Variants in LAMA2 observed in about 807,000 individuals in gnomAD.
The protein encoded by LAMA2 is laminin subunit alpha-2.
A neutral mutation model predicts 364.8 loss-of-function variants in LAMA2; 269 were observed. That is an observed-to-expected ratio of 0.74 (90% CI 0.67 to 0.82). LAMA2 has a LOEUF of 0.82. Ranked by LOEUF, LAMA2 falls within the 40% of genes least tolerant of loss-of-function variation. The pLI is 0.00. For synonymous variants in LAMA2, 1,379 were observed against 1,370.6 expected, an observed-to-expected ratio of 1.01 and a Z score of -0.14; for missense variants, 3,807 against 3,873.2, an observed-to-expected ratio of 0.98 and a Z score of 0.45.
chr6:129,376,705 T>C (rs764779269), intron 34 of LAMA2, among the ~76,000 whole-genome samples: 1 of 152,182 alleles, frequency 6.6e-6, no homozygotes, highest in African/African-American at 2.4e-5. Context: ...TTTTGTTAAT[T>C]TCTGTTAACT....
At chr6:129,177,329 G>C (rs1175362499) in intron 9 of LAMA2, among the ~76,000 whole-genome samples, 4 of 152,102 alleles carry the variant, frequency 2.6e-5, no homozygotes, top group Non-Finnish European at 5.9e-5. Flanking sequence ...GAGCAGGCTT[G>C]TTCCGTGAGC....
At chr6:129,424,249 A>G (rs1287351614) in intron 40 of LAMA2, among the ~76,000 whole-genome samples, 3 of 152,068 alleles carry the variant, frequency 2.0e-5, no homozygotes, top group African/African-American at 7.2e-5. Context: ...ACCTAACTGT[A>G]AAACATAAAA....
chr6:129,216,338 A>G (rs1233515815), intron 12 of LAMA2, among the ~76,000 whole-genome samples: 1 of 152,232 alleles, frequency 6.6e-6, no homozygotes, highest in African/African-American at 2.4e-5. Context: ...AGTCTGGCAC[A>G]TTATATAAAT....
At chr6:129,044,753 T>C (rs998607821) in intron 1 of LAMA2, among the ~76,000 whole-genome samples, 1 of 152,120 alleles carries the variant, frequency 6.6e-6, no homozygotes, top group African/African-American at 2.4e-5. Context: ...CATAGTTGTA[T>C]GGATAATGAT....
At chr6:129,352,514 A>G (rs1362602307) in intron 31 of LAMA2, among the ~76,000 whole-genome samples, 1 of 152,232 alleles carries the variant, frequency 6.6e-6, no homozygotes, top group African/African-American at 2.4e-5. Context: ...TGAGTAGCCT[A>G]TTGCCACTTA....
At chr6:128,888,762 A>G (rs1180206569) in intron 1 of LAMA2, among the ~76,000 whole-genome samples, 2 of 152,186 alleles carry the variant, frequency 1.3e-5, no homozygotes, top group Non-Finnish European at 1.5e-5. Flanking sequence ...AATTTTAAAG[A>G]TTTTGCCTTT....
At chr6:129,443,935 G>C (rs1782241111) in intron 44 of LAMA2, among the ~76,000 whole-genome samples, 1 of 152,012 alleles carries the variant, frequency 6.6e-6, no homozygotes, top group Non-Finnish European at 1.5e-5. Context: ...AGAAAAAGCA[G>C]AGTTAACTTA....
At chr6:129,373,443 G>A (rs1421759541) in intron 34 of LAMA2, among the ~76,000 whole-genome samples, 1 of 152,092 alleles carries the variant, frequency 6.6e-6, no homozygotes, top group Non-Finnish European at 1.5e-5. Context: ...CATGGTACAT[G>A]TGTCATATAC....
intron 14 of LAMA2, among the ~76,000 whole-genome samples, chr6:129,260,492 T>C (rs1457148155): frequency 6.6e-6 from 1 of 152,114 alleles, no homozygotes; most frequent in Non-Finnish European, 1.5e-5. Context: ...TCATATCTTT[T>C]CAGCATTTGG....
intron 1 of LAMA2, among the ~76,000 whole-genome samples, chr6:129,020,151 A>T (rs1785351536): frequency 6.6e-6 from 1 of 150,884 alleles, no homozygotes; most frequent in African/African-American, 2.4e-5. Flanking sequence ...ACGAAAGGTG[A>T]TTTGGTAGAA....
intron 12 of LAMA2, among the ~76,000 whole-genome samples, chr6:129,238,611 AAG>A: frequency 6.6e-6 from 1 of 151,048 alleles, no homozygotes; most frequent in East Asian, 2.0e-4. Context: ...GAGAAAGCCC[AAG>A]AGTGAGAGTT....
rs1057352714 is a variant in LAMA2, at chr6:129,149,488, GCTCA to G, written c.1027+395_1027+398del. 6.6e-5 allele frequency among the ~76,000 whole-genome samples: 10 copies of G among 151,954 alleles called. 1 individual carries two copies. The highest frequency in any genetic ancestry group is 2.4e-4 in the African/African-American group (10 of 41,348). On this transcript the variant is annotated intron_variant, in intron 7 of 64. Coordinates refer to ENST00000421865, the MANE Select transcript of LAMA2 (RefSeq NM_000426.4). ...ATCAGCCCTAACCACATTTTTTTCA[GCTCA>G]CTAAGTATATATGGCCTTCAAAAAC...
At chr6:128,948,596 C>T (rs9492151) in intron 1 of LAMA2, among the ~76,000 whole-genome samples, 1,689 of 152,220 alleles carry the variant, frequency 0.011, 31 homozygotes, top group African/African-American at 0.039. Flanking sequence ...ATGTTTGCCC[C>T]CTTCAAATCG....
intron 3 of LAMA2, among the ~76,000 whole-genome samples, chr6:129,066,574 A>G (rs1161557862): frequency 6.6e-6 from 1 of 151,004 alleles, no homozygotes; most frequent in Non-Finnish European, 1.5e-5. Flanking sequence ...TCACAGAAAT[A>G]AAAATAAATC....
chr6:129,309,717 T>C (rs1774090368), intron 22 of LAMA2, among the ~76,000 whole-genome samples: 1 of 152,182 alleles, frequency 6.6e-6, no homozygotes, highest in Non-Finnish European at 1.5e-5. Flanking sequence ...GTGAGGTTAG[T>C]GGGTTATTCT....
chr6:129,207,361 T>C (rs1782746053), intron 12 of LAMA2, among the ~76,000 whole-genome samples: 1 of 152,004 alleles, frequency 6.6e-6, no homozygotes, highest in Non-Finnish European at 1.5e-5. Flanking sequence ...GAGTAATAAC[T>C]CAACTCCTGG....
chr6:128,951,644 TCTA>T (rs1780828007), intron 1 of LAMA2, among the ~76,000 whole-genome samples: 4 of 152,150 alleles, frequency 2.6e-5, no homozygotes, highest in Admixed American at 2.6e-4. Flanking sequence ...TAGAATAAAT[TCTA>T]CTGATATTTG....
chr6:128,916,530 T>A (rs1778327692), intron 1 of LAMA2, among the ~76,000 whole-genome samples: 1 of 152,230 alleles, frequency 6.6e-6, no homozygotes, highest in Non-Finnish European at 1.5e-5. Flanking sequence ...AGTTGAACAC[T>A]GCTTCAGTAA....
intron 22 of LAMA2, among the ~76,000 whole-genome samples, chr6:129,309,902 A>ATTTTTTTTTTTTTTTTTTTTTT (rs993652081): frequency 7.4e-6 from 1 of 135,774 alleles, no homozygotes; most frequent in African/African-American, 2.8e-5. Context: ...CCTGATAATC[A>ATTTTTTTTTTTTTTTTTTTTTT]TTTTTTTTTT....
Sources: allele counts gnomAD v4.1 joint callset (sites outside exome capture counted in the v4.1 genomes callset), GRCh38; gene constraint gnomAD v4.1.1; transcripts MANE v1.5; gene names NCBI Gene and HGNC (gene_info 2026-07-23, HGNC 2026-07-21).